Variants in DCC observed in about 807,000 individuals in gnomAD.
DCC encodes the protein DCC netrin 1 receptor.
In DCC, 58 loss-of-function variants were observed where a neutral mutation model predicts 172.5. The observed-to-expected ratio is 0.34, with a 90% CI of 0.27 to 0.42. The LOEUF is 0.42. DCC is among the 10% of genes least tolerant of loss of function. DCC has a pLI of 1.00. For missense variants in DCC, 1,740 were observed against 1,791.0 expected (o/e 0.97, Z 0.51); for synonymous variants, 709 against 644.5 (o/e 1.10, Z -1.52).
intron 5 of DCC, among the ~76,000 whole-genome samples, chr18:52,928,530 C>T (rs1000301214): frequency 6.6e-6 from 1 of 152,082 alleles, no homozygotes; most frequent in African/African-American, 2.4e-5. Flanking sequence ...GTATGTAAAA[C>T]ATGTACATAT....
intron 1 of DCC, among the ~76,000 whole-genome samples, chr18:52,733,573 C>T (rs921662648): frequency 1.3e-5 from 2 of 152,108 alleles, no homozygotes; most frequent in African/African-American, 2.4e-5. Flanking sequence ...TAACACATTG[C>T]AGCCTCAGAC....
chr18:53,295,320 GA>G (rs2057053814), intron 12 of DCC, among the ~76,000 whole-genome samples: 1 of 151,814 alleles, frequency 6.6e-6, no homozygotes, highest in African/African-American at 2.4e-5. Context: ...ATAAGAGTAG[GA>G]AAAAATATGG....
chr18:53,095,617 C>T (rs34095568), intron 7 of DCC, among the ~76,000 whole-genome samples: 39,226 of 152,014 alleles, frequency 0.26, 6,181 homozygotes, highest in African/African-American at 0.44. Context: ...TGCTCCTCCT[C>T]CTATCCTGAT....
chr18:53,157,993 G>A (rs1234849822), intron 8 of DCC, among the ~76,000 whole-genome samples: 3 of 152,086 alleles, frequency 2.0e-5, no homozygotes, highest in Admixed American at 6.6e-5. Context: ...TGTTTGTAAT[G>A]CAAAAGACAA....
At chr18:52,642,050 TGGTGTGTGTGTG>T (rs2034911315) in intron 1 of DCC, among the ~76,000 whole-genome samples, 1 of 5,118 alleles carries the variant, frequency 2.0e-4, no homozygotes, top group Non-Finnish European at 5.9e-4. Context: ...ATATATACTG[TGGTGTGTGTGTG>T]TATATATATA....
Position 53,410,550 on chromosome 18 carries a change from C to T in DCC, c.3034C>T (p.Leu1012Phe), listed in dbSNP as rs1336089803. ...GDRLTHQIMDLNLDTMYYFRI... is the reference protein window; with the variant it reads ...GDRLTHQIMDFNLDTMYYFRI... ...TAGGCTTACTCATCAAATCATGGAT[C>T]TCAACCTTGATACTATGTATTACTT... is the stretch of plus-strand genomic sequence containing the variant. Residue 1012 changes from leucine (L) to phenylalanine (F), a missense_variant, in exon 20 of 29, where the codon CTC becomes TTC. By Grantham distance (22) the Leu-to-Phe change is conservative (BLOSUM62 0). This residue lies in a region of DCC where 1,732 missense variants were observed against 1,767.4 expected (regional missense o/e 0.98). Transcript: ENST00000442544. 6.2e-7 allele frequency: 1 copy of T among 1,604,090 alleles called. No homozygotes were observed. The highest frequency in any genetic ancestry group is 2.2e-5 in the East Asian group (1 of 44,798).
chr18:52,971,657 T>C (rs574082997), intron 5 of DCC, among the ~76,000 whole-genome samples: 7 of 152,138 alleles, frequency 4.6e-5, no homozygotes, highest in Middle Eastern at 3.4e-3. Context: ...TGGTTTTCAA[T>C]GGTTAATTCT....
At chr18:52,780,984 A>G (rs1013278702) in intron 2 of DCC, among the ~76,000 whole-genome samples, 1 of 152,144 alleles carries the variant, frequency 6.6e-6, no homozygotes, top group African/African-American at 2.4e-5. Context: ...TACACAAAAG[A>G]CAGATTAACA....
At position 53,086,230 on chromosome 18, in the gene DCC, GTTC is replaced by G. The variant is rs202192672; in HGVS notation, c.1261+20080_1261+20082del. ...TCTTTCCTTCCCTTCTTCTTCTTCCGTTCTTCTTCTTCTTCTTCCTTTCTTCTT... is the reference window on the plus strand; with the variant it reads ...TCTTTCCTTCCCTTCTTCTTCTTCCGTTCTTCTTCTTCTTCCTTTCTTCTT... On this transcript the variant is annotated intron_variant, in intron 7 of 28. Transcript: ENST00000442544. Among the ~76,000 whole-genome samples the G allele has an allele frequency of 2.4e-3, 72 of 30,510 alleles. 18 individuals carry two copies. The East Asian group carries it at 0.029, about 12-fold the overall frequency. 20.0% of individuals were successfully genotyped at this position (30,510 alleles called of 152,430 possible).
At chr18:53,100,741 C>T (rs2043160680) in intron 7 of DCC, among the ~76,000 whole-genome samples, 1 of 151,944 alleles carries the variant, frequency 6.6e-6, no homozygotes, top group Non-Finnish European at 1.5e-5. Flanking sequence ...GTGCTGGTCC[C>T]ATCTCTTGAT....
intron 16 of DCC, among the ~76,000 whole-genome samples, chr18:53,391,165 G>GA (rs112578906): frequency 0.42 from 64,401 of 151,870 alleles, 15,447 homozygotes; most frequent in Non-Finnish European, 0.55. Context: ...AAGCAACAAT[G>GA]AAAACAGAGA....
At chr18:52,487,514 A>G (rs1197029526) in intron 1 of DCC, among the ~76,000 whole-genome samples, 1 of 152,092 alleles carries the variant, frequency 6.6e-6, no homozygotes, top group Non-Finnish European at 1.5e-5. Context: ...AGAAGAATAA[A>G]CGTTAGAGGA....
At chr18:52,349,811 G>A (rs1984037476) in intron 1 of DCC, among the ~76,000 whole-genome samples, 1 of 152,018 alleles carries the variant, frequency 6.6e-6, no homozygotes, top group African/African-American at 2.4e-5. Flanking sequence ...TAATTCATTT[G>A]ATTTTTCCTC....
rs543969592 is a variant in DCC, at chr18:53,287,163, G to A, written c.1912-18415G>A. 3.3e-5 allele frequency among the ~76,000 whole-genome samples: 5 copies of A among 152,186 alleles called. No homozygotes were observed. In the East Asian group the frequency reaches 7.8e-4, roughly 24 times the overall value. Reference sequence around the variant, plus strand: ...CAGTCCCTCCCTCAACCCATCAGAGGCAATCTCTCATCTACTTTCTGTCTT... The same window carrying A: ...CAGTCCCTCCCTCAACCCATCAGAGACAATCTCTCATCTACTTTCTGTCTT... On this transcript the variant is annotated intron_variant, in intron 12 of 28. Coordinates refer to ENST00000442544, the MANE Select transcript of DCC (RefSeq NM_005215.4).
chr18:53,370,836 T>C (rs1392742222), intron 15 of DCC, among the ~76,000 whole-genome samples: 1 of 151,846 alleles, frequency 6.6e-6, no homozygotes, highest in African/African-American at 2.4e-5. Context: ...GTGTTCTACA[T>C]ATGCCTGTTA....
chr18:53,498,735 T>C (rs1376640525), intron 26 of DCC, among the ~76,000 whole-genome samples: 1 of 152,140 alleles, frequency 6.6e-6, no homozygotes, highest in African/African-American at 2.4e-5. Context: ...TCTGGCAGAG[T>C]CATCTCTCAT....
At chr18:52,837,228 A>G (rs1303793329) in intron 2 of DCC, among the ~76,000 whole-genome samples, 1 of 152,198 alleles carries the variant, frequency 6.6e-6, no homozygotes, top group Non-Finnish European at 1.5e-5. Context: ...AGTCTCTGAC[A>G]TGCTCTGGAG....
chr18:52,475,018 T>G (rs74329330), intron 1 of DCC, among the ~76,000 whole-genome samples: 4 of 152,192 alleles, frequency 2.6e-5, no homozygotes, highest in African/African-American at 7.2e-5. Context: ...AAAACACAGA[T>G]AAGTTATGTG....
chr18:52,826,456 G>A (rs1238581254), intron 2 of DCC, among the ~76,000 whole-genome samples: 1 of 152,028 alleles, frequency 6.6e-6, no homozygotes, highest in Non-Finnish European at 1.5e-5. Context: ...TAGAGAAGAG[G>A]GAACATTCTA....
Sources: allele counts gnomAD v4.1 joint callset (sites outside exome capture counted in the v4.1 genomes callset), GRCh38; gene constraint gnomAD v4.1.1; regional missense constraint gnomAD v4.1.1; transcripts MANE v1.5; gene names NCBI Gene and HGNC (gene_info 2026-07-23, HGNC 2026-07-21).